Variants in COL4A4 observed in about 807,000 individuals in gnomAD.
COL4A4 encodes the protein collagen type IV alpha 4 chain, also known as collagen alpha-4(IV) chain.
COL4A4 carries 105 observed loss-of-function variants against 192.9 expected under a neutral mutation model. The ratio of observed to expected loss-of-function variants is 0.54; its 90% CI spans 0.46 to 0.64. The LOEUF is 0.64. Among genes scored for constraint, COL4A4 ranks in the 30% least tolerant of loss-of-function variants. The probability of loss-of-function intolerance (pLI) is 0.00; values close to 1 mark genes in which losing one functional copy is unlikely to be tolerated. For synonymous variants in COL4A4, 762 were observed against 769.9 expected (o/e 0.99, Z 0.17); for missense variants, 1,967 against 2,169.3 (o/e 0.91, Z 1.85).
intron 27 of COL4A4, 131 bp downstream of exon 27, chr2:227,060,005 A>G: frequency 1.5e-6 from 1 of 683,286 alleles, no homozygotes; most frequent in South Asian, 1.8e-5. Context: ...AAGAAACACC[A>G]TTTCCCTATT....
intron 34 of COL4A4, among the ~76,000 whole-genome samples, 182 bp from the exon 35 acceptor site, chr2:227,047,731 C>CCCCACACACACACACA (rs146752317): frequency 6.8e-6 from 1 of 146,228 alleles, no homozygotes; most frequent in Non-Finnish European, 1.5e-5. Flanking sequence ...AATTTACATA[C>CCCCACACACACACACA]CACACACACA....
At chr2:227,031,890 C>G (rs532879143) in intron 40 of COL4A4, 55 bp downstream of exon 40, 1 of 1,249,254 alleles carries the variant, frequency 8.0e-7, no homozygotes, top group South Asian at 1.2e-5. Flanking sequence ...TCCTCCAGAG[C>G]TGGCAGCATC....
the COL4A4 span, among the ~76,000 whole-genome samples, chr2:226,982,237 T>C: frequency 6.6e-6 from 1 of 152,236 alleles, no homozygotes; most frequent in Non-Finnish European, 1.5e-5. Flanking sequence ...ATTGCAGGTT[T>C]TTCTCAGAGC....
chr2:227,033,635 G>A (rs1459973401), intron 37 of COL4A4, among the ~76,000 whole-genome samples, 154 bp from the exon 38 acceptor site: 3 of 152,188 alleles, frequency 2.0e-5, no homozygotes, highest in Non-Finnish European at 4.4e-5. Context: ...GGAAACCCAG[G>A]CCCAGGACTA....
In COL4A4 at chr2:227,080,521, C is replaced by T; in HGVS notation, c.1725G>A (p.Gly575=). ...KGHKGERGPD[G]PPGFPGQPGS... ...CTGGCTGCCCTGGAAATCCTGGGGG[C>T]CCATCAGGACCTCTTTCTCCTTTGT... Residue 575 remains glycine (G), a synonymous_variant, in exon 24 of 48, where the codon GGG becomes GGA. Transcript: ENST00000396625. The T allele has an allele frequency of 1.2e-6, 2 of 1,614,050 alleles. No individual in the cohort carries two copies. Among genetic ancestry groups the T allele is most frequent in the Admixed American group, 1.7e-5 (1 of 60,008 alleles).
the COL4A4 span, among the ~76,000 whole-genome samples, chr2:226,989,566 G>A: frequency 6.6e-6 from 1 of 152,230 alleles, no homozygotes; most frequent in Non-Finnish European, 1.5e-5. Flanking sequence ...TGAGCATGTA[G>A]CAATTGTCCC....
intron 15 of COL4A4, among the ~76,000 whole-genome samples, 171 bp from the exon 16 acceptor site, chr2:227,102,080 T>C (rs2060555713): frequency 6.6e-6 from 1 of 152,228 alleles, no homozygotes; most frequent in African/African-American, 2.4e-5. Context: ...CTTTATAACA[T>C]TTGCTACTTG....
In COL4A4 at chr2:227,051,110, C is replaced by A. The variant is rs1451901507; in HGVS notation, c.3017G>T (p.Arg1006Ile). 1 of 1,614,158 alleles carries A rather than the reference C, an allele frequency of 6.2e-7. No homozygotes were observed. Among genetic ancestry groups the A allele is most frequent in the South Asian group, 1.1e-5 (1 of 91,078 alleles). The change falls in exon 33 of 48, where the codon AGA becomes ATA. Residue 1006 changes from arginine (R) to isoleucine (I), a missense_variant. Physicochemically the swap from Arg to Ile is moderately conservative, Grantham distance 97. Coordinates refer to ENST00000396625, the MANE Select transcript of COL4A4 (RefSeq NM_000092.5). ...GMQGRRGEPGRYGPPGFHRGE... is the reference protein window; with the variant it reads ...GMQGRRGEPGIYGPPGFHRGE... ...TCTGTGAAATCCAGGTGGTCCGTAT[C>A]TTCCCGGCTCTCCTCTTCTCCCTTG...
chr2:227,010,918 C>T (rs891093741), intron 45 of COL4A4, among the ~76,000 whole-genome samples: 1 of 152,226 alleles, frequency 6.6e-6, no homozygotes, highest in Non-Finnish European at 1.5e-5. Flanking sequence ...AACTGCTGAG[C>T]AAGTGCTCCC....
intron 25 of COL4A4, among the ~76,000 whole-genome samples, chr2:227,074,401 T>C (rs908248542): frequency 6.6e-6 from 1 of 151,854 alleles, no homozygotes; most frequent in Admixed American, 6.6e-5. Context: ...CAAAAAACAA[T>C]AGATATTGGC....
Position 227,054,608 on chromosome 2 carries a change from A to T in COL4A4, c.2846T>A (p.Leu949Gln), listed in dbSNP as rs779716354. 1.9e-6 allele frequency: 3 copies of T among 1,614,132 alleles called. No homozygotes were observed. The highest frequency in any genetic ancestry group is 2.5e-6 in the Non-Finnish European group (3 of 1,179,992). Reference protein sequence around the residue: ...GMSGLPGDRGLRGAKGAIGPP... With the variant: ...GMSGLPGDRGQRGAKGAIGPP... The stretch of plus-strand genomic sequence containing the variant: ...ATTTTATTTACCTTTGGCCCCTCTC[A>T]GTCCCCGGTCTCCAGGAAGGCCAGA... The change falls in exon 31 of 48, where the codon CTG becomes CAG. Residue 949 changes from leucine (L) to glutamine (Q), a missense_variant. Coordinates refer to ENST00000396625, the MANE Select transcript of COL4A4 (RefSeq NM_000092.5).
At position 227,123,108 on chromosome 2, in the gene COL4A4, G is replaced by A. The variant is rs1413441350; in HGVS notation, c.193-1960C>T. 2.0e-5 allele frequency among the ~76,000 whole-genome samples: 3 copies of A among 152,026 alleles called. No individual in the cohort carries two copies. The highest frequency in any genetic ancestry group is 1.9e-4 in the East Asian group (1 of 5,184). ...TCGAACTCCTGACCTCAGGTGATCC[G>A]CTTGCCTTCAGCTTCCCAAAGTGCT... is the stretch of plus-strand genomic sequence containing the variant. On this transcript the variant is annotated intron_variant, in intron 4 of 47. Transcript: ENST00000396625. This position sits in a 1 kb window ranked among gnomAD's most constrained non-coding sequence, Gnocchi z 4.6.
downstream of COL4A4, among the ~76,000 whole-genome samples, chr2:227,001,333 T>G (rs903046944): frequency 6.6e-6 from 1 of 152,098 alleles, no homozygotes; most frequent in African/African-American, 2.4e-5. Flanking sequence ...GACCTCATGA[T>G]CCGCCCACCT....
In COL4A4 at chr2:227,102,791, G is replaced by C; in HGVS notation, c.928C>G (p.Arg310Gly). The change falls in exon 15 of 48, where the codon CGG (arginine) becomes GGG (glycine). Residue 310 changes from arginine (R) to glycine (G), a missense_variant and splice_region_variant. By Grantham distance (125) the Arg-to-Gly change is moderately radical (BLOSUM62 -2). Coordinates refer to ENST00000396625, the MANE Select transcript of COL4A4 (RefSeq NM_000092.5). ...TGTTAACAGCAAATGATGCTTACCC[G>C]AGGCCCTGGAAATCCAGGAATACCT... ...EKGIPGFPGP[R>G]GDPGSYGSPG... The C allele has an allele frequency of 6.2e-7, 1 of 1,612,820 alleles. No homozygotes were observed. Among genetic ancestry groups the C allele is most frequent in the Non-Finnish European group, 8.5e-7 (1 of 1,178,958 alleles).
intron 44 of COL4A4, among the ~76,000 whole-genome samples, chr2:227,015,492 C>A (rs1057282039): frequency 2.6e-5 from 4 of 152,108 alleles, no homozygotes; most frequent in Admixed American, 2.6e-4. Flanking sequence ...AGCTCGAGAA[C>A]CAAAGCCTTA....
In COL4A4 at chr2:227,098,787, C is replaced by G. The variant is rs2060345176; in HGVS notation, c.1111G>C (p.Asp371His). The change falls in exon 19 of 48, where the codon GAC (aspartate) becomes CAC (histidine). Residue 371 changes from aspartate to histidine, a missense_variant. Asp to His is a moderately conservative substitution (Grantham distance 81). Transcript: ENST00000396625. ...PPLPLKGPPG[D>H]PGFPGRYGET... ...CCATAGCGGCCAGGGAACCCTGGGT[C>G]CCCTGGTGGGCCTGCCAAAGATAAT... 6.2e-7 allele frequency: 1 copy of G among 1,613,328 alleles called. No individual in the cohort carries two copies. The highest frequency in any genetic ancestry group is 8.5e-7 in the Non-Finnish European group (1 of 1,179,510).
chr2:226,995,641 C>G, the COL4A4 span: 1 of 725,440 alleles, frequency 1.4e-6, no homozygotes, highest in African/African-American at 1.8e-5. Context: ...CGGTATTGCT[C>G]CAGATCGCTC....
intron 23 of COL4A4, among the ~76,000 whole-genome samples, chr2:227,080,776 G>A (rs1312766144): frequency 6.6e-6 from 1 of 152,160 alleles, no homozygotes; most frequent in Non-Finnish European, 1.5e-5. Context: ...ATTCCAGCAA[G>A]GAGCTGGTGT....
rs2061934755 is a variant in COL4A4, at chr2:227,123,764, G to A, written c.193-2616C>T. 6.6e-6 allele frequency among the ~76,000 whole-genome samples: 1 copy of A among 152,186 alleles called. No individual in the cohort carries two copies. The highest frequency in any genetic ancestry group is 2.1e-4 in the South Asian group (1 of 4,830). ...AACAACAGGTCTGAGGAAGACGTGT[G>A]GGACCCCAAAAGCACGTGCAAGCTG... is the stretch of plus-strand genomic sequence containing the variant. On this transcript the variant is annotated intron_variant, in intron 4 of 47. Coordinates refer to ENST00000396625, the MANE Select transcript of COL4A4 (RefSeq NM_000092.5). The surrounding 1 kb of genome is among the most constrained non-coding windows in gnomAD (Gnocchi z 4.6).
Sources: allele counts gnomAD v4.1 joint callset (sites outside exome capture counted in the v4.1 genomes callset), GRCh38; gene constraint gnomAD v4.1.1; non-coding constraint Gnocchi (gnomAD v3.1); transcripts MANE v1.5; gene names NCBI Gene and HGNC (gene_info 2026-07-23, HGNC 2026-07-21).